PRKCB: variants seen among roughly 807,000 people sequenced by gnomAD.
PRKCB encodes protein kinase C beta type.
Under a neutral mutation model 81.5 loss-of-function variants are expected in PRKCB, and 13 were observed. That is an observed-to-expected ratio of 0.16 (90% confidence interval 0.10 to 0.25). PRKCB has a LOEUF of 0.25. PRKCB is among the 10% of genes least tolerant of loss of function. The probability of loss-of-function intolerance (pLI) is 1.00; values close to 1 mark genes in which losing one functional copy is unlikely to be tolerated. For synonymous variants in PRKCB, 335 were observed against 321.4 expected, an observed-to-expected ratio of 1.04 and a Z score of -0.45; for missense variants, 509 against 875.7, an observed-to-expected ratio of 0.58 and a Z score of 5.29.
intron 2 of PRKCB, among the ~76,000 whole-genome samples, chr16:23,955,392 CCT>C: frequency 6.6e-6 from 1 of 152,200 alleles, no homozygotes; most frequent in East Asian, 1.9e-4. Context: ...TACCCATGCC[CCT>C]GTGTGCCATA....
chr16:24,118,711 C>T (rs568302858), intron 8 of PRKCB, among the ~76,000 whole-genome samples: 2 of 152,286 alleles, frequency 1.3e-5, no homozygotes, highest in South Asian at 2.1e-4. Context: ...GGCTCTAAAT[C>T]GCAGACATGA....
intron 2 of PRKCB, among the ~76,000 whole-genome samples, chr16:23,876,987 TG>T (rs57866808): frequency 0.78 from 118,242 of 151,768 alleles, 46,185 homozygotes; most frequent in East Asian, 0.98. Flanking sequence ...TAGAAGGATA[TG>T]GGGGGGGAGG....
At chr16:23,904,618 G>A (rs1411683552) in intron 2 of PRKCB, among the ~76,000 whole-genome samples, 3 of 152,092 alleles carry the variant, frequency 2.0e-5, no homozygotes, top group African/African-American at 4.8e-5. Context: ...AGCTGAGATC[G>A]CACTACTGCA....
At chr16:24,077,862 A>G (rs1264800911) in intron 5 of PRKCB, among the ~76,000 whole-genome samples, 1 of 152,212 alleles carries the variant, frequency 6.6e-6, no homozygotes, top group Non-Finnish European at 1.5e-5. Context: ...TCCATGATTC[A>G]GTGATGTAGT....
At chr16:24,117,403 G>A (rs538809311) in intron 8 of PRKCB, among the ~76,000 whole-genome samples, 74 of 152,268 alleles carry the variant, frequency 4.9e-4, no homozygotes, top group African/African-American at 1.6e-3. Flanking sequence ...TTTGGATGGC[G>A]CACAGTGGGA....
Position 24,149,551 on chromosome 16 carries a change from A to G in PRKCB, c.1066-5133A>G, listed in dbSNP as rs1010866241. ...CCTTATTAAATGAATCAATTTTGAT[A>G]ATATCTGGTGATTATAATCAACATA... On this transcript the variant is annotated intron_variant, in intron 9 of 16. Transcript: ENST00000643927. Among the ~76,000 whole-genome samples, 4 of 152,228 alleles carry G rather than the reference A, an allele frequency of 2.6e-5. No homozygotes were observed. In the East Asian group the frequency reaches 7.7e-4, roughly 29 times the overall value.
intron 9 of PRKCB, among the ~76,000 whole-genome samples, chr16:24,143,863 T>G (rs1206686843): frequency 1.3e-5 from 2 of 152,216 alleles, no homozygotes; most frequent in Non-Finnish European, 2.9e-5. Context: ...GCTTGCAGAC[T>G]GTGACAGTGC....
At chr16:24,158,592 A>G (rs1467374735) in intron 10 of PRKCB, among the ~76,000 whole-genome samples, 4 of 151,182 alleles carry the variant, frequency 2.6e-5, no homozygotes, top group African/African-American at 9.7e-5. Flanking sequence ...ATGTATATGT[A>G]TATGTGTGTG....
intron 15 of PRKCB, among the ~76,000 whole-genome samples, chr16:24,188,255 C>G (rs1195823702): frequency 1.3e-5 from 2 of 152,142 alleles, no homozygotes; most frequent in Non-Finnish European, 2.9e-5. Context: ...TGGGGCTCTT[C>G]CTTCAAGGAG....
intron 3 of PRKCB, among the ~76,000 whole-genome samples, chr16:24,011,195 G>A (rs1199496839): frequency 1.3e-5 from 2 of 152,074 alleles, no homozygotes; most frequent in African/African-American, 2.4e-5. Context: ...TAAATTGGAG[G>A]TAGGGTAAGA....
At chr16:24,126,593 A>G (rs1966844643) in intron 9 of PRKCB, among the ~76,000 whole-genome samples, 2 of 151,988 alleles carry the variant, frequency 1.3e-5, no homozygotes, top group South Asian at 2.1e-4. Context: ...TTGAATCAGA[A>G]TCTTACTCTG....
At chr16:24,208,541 T>C (rs897795948) in intron 16 of PRKCB, 9 of 152,250 alleles carry the variant, frequency 5.9e-5, no homozygotes, top group African/African-American at 2.2e-4. Context: ...AATAACCCAG[T>C]TGGTTTCTGG....
At chr16:23,869,078 C>G (rs1253851715) in intron 2 of PRKCB, 1 of 453,432 alleles carries the variant, frequency 2.2e-6, no homozygotes, top group African/African-American at 2.0e-5. Flanking sequence ...TTATACATTT[C>G]ACACATGGCT....
chr16:24,017,943 G>A (rs1965304086), intron 3 of PRKCB, among the ~76,000 whole-genome samples: 1 of 145,438 alleles, frequency 6.9e-6, no homozygotes. Flanking sequence ...CTGTGGCCCA[G>A]GCTGGAGTGC....
At chr16:24,122,814 C>T (rs534791599) in intron 8 of PRKCB, among the ~76,000 whole-genome samples, 63 of 152,280 alleles carry the variant, frequency 4.1e-4, no homozygotes, top group African/African-American at 1.2e-3. Context: ...AATCCAGTAA[C>T]GAAGTCCTGG....
intron 8 of PRKCB, among the ~76,000 whole-genome samples, chr16:24,115,512 T>A (rs1966727544): frequency 6.6e-6 from 1 of 151,986 alleles, no homozygotes; most frequent in Admixed American, 6.6e-5. Context: ...GATTTTAGCA[T>A]TTATCCCAAG....
chr16:23,880,071 A>G (rs1049615614), intron 2 of PRKCB, among the ~76,000 whole-genome samples: 4 of 152,160 alleles, frequency 2.6e-5, no homozygotes, highest in African/African-American at 9.7e-5. Flanking sequence ...TATTAATATT[A>G]TTTGTCCTTA....
At chr16:23,870,918 T>C (rs750334826) in intron 2 of PRKCB, among the ~76,000 whole-genome samples, 11 of 152,224 alleles carry the variant, frequency 7.2e-5, no homozygotes, top group Non-Finnish European at 1.5e-4. Context: ...TGGTCTAGGA[T>C]GGCTTCACTT....
chr16:23,898,282 G>A lies in PRKCB; in HGVS notation c.205+60876G>A, dbSNP rs888306899. Among the ~76,000 whole-genome samples, 3 of 152,046 alleles carry A rather than the reference G, an allele frequency of 2.0e-5. No homozygotes were observed. In the East Asian group the frequency reaches 5.8e-4, roughly 29 times the overall value. ...GGGTTTCACCTTGTTAGCCAGGATG[G>A]TCTTGATCTCCTGACCTCCAGTGAT... On this transcript the variant is annotated intron_variant, in intron 2 of 16. Coordinates refer to ENST00000643927, the MANE Select transcript of PRKCB (RefSeq NM_002738.7).
Sources: gnomAD v4.1 joint callset for allele counts (sites outside exome capture counted in the v4.1 genomes callset) on GRCh38, gnomAD v4.1.1 for gene constraint, MANE v1.5 for transcripts, NCBI Gene and HGNC (gene_info 2026-07-23, HGNC 2026-07-21) for gene names.